The following INPP4B variants were observed in gnomAD, a reference collection of about 807,000 sequenced individuals.
The protein encoded by INPP4B is inositol polyphosphate 4-phosphatase type II.
In INPP4B, 55 loss-of-function variants were observed where a neutral mutation model predicts 122.5. The ratio of observed to expected loss-of-function variants is 0.45; its 90% CI spans 0.36 to 0.56. INPP4B has a LOEUF of 0.56. INPP4B is among the 20% of genes least tolerant of loss of function. The pLI, the probability that INPP4B is intolerant of heterozygous loss-of-function variation, is 0.00. For synonymous variants in INPP4B, 403 were observed against 388.7 expected (o/e 1.04, Z -0.43); for missense variants, 1,000 against 1,097.7 (o/e 0.91, Z 1.26).
intron 2 of INPP4B, among the ~76,000 whole-genome samples, chr4:142,665,372 T>C (rs1401550160): frequency 6.6e-6 from 1 of 151,574 alleles, no homozygotes; most frequent in Non-Finnish European, 1.5e-5. Context: ...CAGGCACCTG[T>C]AGTCCCAGCT....
At chr4:142,527,630 C>T (rs2149966557) in intron 2 of INPP4B, among the ~76,000 whole-genome samples, 1 of 152,026 alleles carries the variant, frequency 6.6e-6, no homozygotes, top group South Asian at 2.1e-4. Context: ...AATTGCCTTT[C>T]CCTAGGGTAA....
chr4:142,780,473 C>A (rs1774619569), intron 1 of INPP4B, among the ~76,000 whole-genome samples: 1 of 152,098 alleles, frequency 6.6e-6, no homozygotes, highest in Non-Finnish European at 1.5e-5. Flanking sequence ...ACACTTAGCA[C>A]TAAGAAATTA....
chr4:142,159,726 C>A (rs529485928), intron 17 of INPP4B, among the ~76,000 whole-genome samples: 2 of 152,058 alleles, frequency 1.3e-5, no homozygotes, highest in African/African-American at 4.8e-5. Flanking sequence ...CCATGGTACA[C>A]CTTCACGTTT....
chr4:142,528,652 A>G (rs574675744), intron 2 of INPP4B, among the ~76,000 whole-genome samples: 8 of 152,244 alleles, frequency 5.3e-5, no homozygotes, highest in Middle Eastern at 3.4e-3. Context: ...AGGAAATTAC[A>G]CAAGATCATG....
intron 17 of INPP4B, among the ~76,000 whole-genome samples, chr4:142,153,634 A>G (rs1304251521): frequency 6.6e-6 from 1 of 152,192 alleles, no homozygotes; most frequent in Admixed American, 6.5e-5. Flanking sequence ...ACATTATTTC[A>G]TTACATTAAT....
At chr4:142,710,963 C>G (rs1254597544) in intron 2 of INPP4B, among the ~76,000 whole-genome samples, 1 of 152,116 alleles carries the variant, frequency 6.6e-6, no homozygotes, top group African/African-American at 2.4e-5. Flanking sequence ...TCTTCAAATC[C>G]TGGCACTTCT....
At chr4:142,659,566 C>T (rs1202323662) in intron 2 of INPP4B, among the ~76,000 whole-genome samples, 2 of 152,162 alleles carry the variant, frequency 1.3e-5, no homozygotes, top group South Asian at 2.1e-4. Flanking sequence ...CTAGCTGCAG[C>T]TCAGAAACAA....
intron 2 of INPP4B, among the ~76,000 whole-genome samples, chr4:142,517,182 A>G (rs1424651771): frequency 6.6e-6 from 1 of 152,064 alleles, no homozygotes; most frequent in African/African-American, 2.4e-5. Context: ...TTGCTCCCAC[A>G]ACAAGCATAT....
At position 142,054,659 on chromosome 4, in the gene INPP4B, T is replaced by C. The variant is rs575973719; in HGVS notation, c.2643-25745A>G. Among the ~76,000 whole-genome samples, 3 of 152,092 alleles carry C rather than the reference T, an allele frequency of 2.0e-5. No individual in the cohort carries two copies. The South Asian group carries it at 6.2e-4, about 32-fold the overall frequency. On this transcript the variant is annotated intron_variant, in intron 25 of 25. Transcript: ENST00000262992. The stretch of plus-strand genomic sequence containing the variant: ...ACTGGACTGGATCTACAACATTTAT[T>C]TTAATATTTTCTGATCAATTGCTAA...
At chr4:142,109,924 C>A (rs1789151025) in intron 22 of INPP4B, among the ~76,000 whole-genome samples, 1 of 152,098 alleles carries the variant, frequency 6.6e-6, no homozygotes, top group Non-Finnish European at 1.5e-5. Flanking sequence ...AGTATCTATA[C>A]TGAGTTGAAC....
At chr4:142,394,529 T>A (rs181393140) in intron 7 of INPP4B, among the ~76,000 whole-genome samples, 2 of 152,340 alleles carry the variant, frequency 1.3e-5, no homozygotes, top group African/African-American at 4.8e-5. Context: ...TGTGAGGTGA[T>A]ATCTCATTAT....
intron 8 of INPP4B, among the ~76,000 whole-genome samples, chr4:142,308,967 T>C (rs1479542248): frequency 6.6e-6 from 1 of 152,186 alleles, no homozygotes; most frequent in Non-Finnish European, 1.5e-5. Context: ...TCACTTCTTA[T>C]TTCCCTGTCT....
At chr4:142,189,630 G>T (rs182302394) in intron 15 of INPP4B, among the ~76,000 whole-genome samples, 256 of 152,184 alleles carry the variant, frequency 1.7e-3, no homozygotes, top group Non-Finnish European at 1.9e-3. Context: ...TATGTAAATG[G>T]CTTTCACAGA....
At chr4:142,407,455 CAG>C (rs1187605525) in intron 5 of INPP4B, among the ~76,000 whole-genome samples, 1 of 152,130 alleles carries the variant, frequency 6.6e-6, no homozygotes, top group African/African-American at 2.4e-5. Context: ...TCCATTTTAT[CAG>C]AGAGACTCTC....
chr4:142,290,243 G>T (rs1253583261), intron 9 of INPP4B, among the ~76,000 whole-genome samples: 1 of 103,100 alleles, frequency 9.7e-6, no homozygotes, highest in African/African-American at 3.8e-5. Flanking sequence ...ATCTCACTCT[G>T]TTGCCCAGGC....
chr4:142,678,109 G>A (rs1180646533), intron 2 of INPP4B, among the ~76,000 whole-genome samples: 2 of 151,982 alleles, frequency 1.3e-5, no homozygotes, highest in Non-Finnish European at 2.9e-5. Flanking sequence ...CTTTTCAGTA[G>A]AAATACAAAT....
chr4:142,464,515 G>T (rs1008545595), intron 2 of INPP4B, among the ~76,000 whole-genome samples: 6 of 151,492 alleles, frequency 4.0e-5, no homozygotes, highest in Admixed American at 3.9e-4. Context: ...ATTATACCAG[G>T]ACTCATTTAA....
intron 3 of INPP4B, among the ~76,000 whole-genome samples, chr4:142,461,221 C>A (rs766303561): frequency 2.6e-5 from 4 of 152,162 alleles, no homozygotes; most frequent in Non-Finnish European, 5.9e-5. Flanking sequence ...TCAAATCATT[C>A]TTTAAAGTAC....
chr4:142,246,769 C>T (rs1021054815), intron 11 of INPP4B, among the ~76,000 whole-genome samples: 1 of 152,136 alleles, frequency 6.6e-6, no homozygotes, highest in East Asian at 1.9e-4. Flanking sequence ...TCCTCTCTTC[C>T]TATCTGAATA....
Sources: gnomAD v4.1 joint callset for allele counts (sites outside exome capture counted in the v4.1 genomes callset) on GRCh38, gnomAD v4.1.1 for gene constraint, MANE v1.5 for transcripts, NCBI Gene and HGNC (gene_info 2026-07-23, HGNC 2026-07-21) for gene names.